Variants in DPYD observed in about 807,000 individuals in gnomAD.
The protein encoded by DPYD is dihydropyrimidine dehydrogenase [NADP(+)].
In DPYD, 109 loss-of-function variants were observed where a neutral mutation model predicts 116.2. The ratio of observed to expected loss-of-function variants is 0.94; its 90% CI spans 0.80 to 1.10. The LOEUF (loss-of-function observed/expected upper bound fraction) is 1.10. Ranked by LOEUF, DPYD falls within the 50% of genes least tolerant of loss-of-function variation. DPYD has a pLI of 0.00. For synonymous variants in DPYD, 440 were observed against 432.0 expected, an observed-to-expected ratio of 1.02 and a Z score of -0.23; for missense variants, 1,302 against 1,254.5, an observed-to-expected ratio of 1.04 and a Z score of -0.57.
At chr1:97,566,556 A>G (rs1033898910) in intron 11 of DPYD, among the ~76,000 whole-genome samples, 7 of 152,184 alleles carry the variant, frequency 4.6e-5, no homozygotes, top group Non-Finnish European at 8.8e-5. Flanking sequence ...TCAAAAAGGT[A>G]TCCTAATTAG....
chr1:97,475,926 T>C (rs1014174630), intron 13 of DPYD, among the ~76,000 whole-genome samples: 1 of 152,336 alleles, frequency 6.6e-6, no homozygotes. Context: ...TGGATACCTA[T>C]ACATTGTTGA....
At chr1:97,318,640 T>G (rs1668019652) in intron 16 of DPYD, among the ~76,000 whole-genome samples, 1 of 151,848 alleles carries the variant, frequency 6.6e-6, no homozygotes, top group Non-Finnish European at 1.5e-5. Flanking sequence ...TGAGACACTT[T>G]AACACCCCAC....
intron 16 of DPYD, among the ~76,000 whole-genome samples, chr1:97,335,648 C>T (rs1669250453): frequency 6.6e-6 from 1 of 152,180 alleles, no homozygotes; most frequent in Non-Finnish European, 1.5e-5. Flanking sequence ...ACAGCTCTCT[C>T]TAACTTAGTT....
intron 8 of DPYD, among the ~76,000 whole-genome samples, chr1:97,635,649 T>A (rs1382725057): frequency 6.6e-6 from 1 of 152,168 alleles, no homozygotes; most frequent in African/African-American, 2.4e-5. Context: ...TATTCAACTA[T>A]CCTCAGTGTC....
rs541136153 is a variant in DPYD at position 97,089,434 on chromosome 1, C to T, written c.2767-6964G>A. On this transcript the variant is annotated intron_variant, in intron 21 of 22. Transcript: ENST00000370192. The stretch of plus-strand genomic sequence containing the variant: ...AAACGAAACTGCCTCCTGTAGGAGG[C>T]ATTGTCTGGTTTCTTTTCTCTAGCA... Among the ~76,000 whole-genome samples, 10 of 152,266 alleles carry T rather than the reference C, an allele frequency of 6.6e-5. No homozygotes were observed. The South Asian group carries it at 1.9e-3, about 28-fold the overall frequency.
chr1:97,257,625 A>T, intron 18 of DPYD, among the ~76,000 whole-genome samples: 1 of 151,786 alleles, frequency 6.6e-6, no homozygotes, highest in East Asian at 1.9e-4. Context: ...TATTTTTTCA[A>T]TTTAAAAAAA....
chr1:97,801,999 A>G (rs1667870650), intron 3 of DPYD, among the ~76,000 whole-genome samples: 1 of 151,932 alleles, frequency 6.6e-6, no homozygotes, highest in Non-Finnish European at 1.5e-5. Flanking sequence ...ATAAGAAATT[A>G]AAATTAAAAT....
rs145132153 is a variant in DPYD at position 97,323,065 on chromosome 1, T to G, written c.2059-16768A>C. On this transcript the variant is annotated intron_variant, in intron 16 of 22. Transcript: ENST00000370192. ...CAATTCAATTTTTTTCAAAATTGAG[T>G]TGAACTTGGTTTTCCGATTCAATTT... The G allele has an allele frequency of 3.3e-5, 5 of 151,524 alleles. No individual in the cohort carries two copies. The East Asian group carries it at 7.8e-4, about 24-fold the overall frequency. 9.4% of individuals were successfully genotyped at this position (151,524 alleles called of 1,614,324 possible).
intron 8 of DPYD, among the ~76,000 whole-genome samples, chr1:97,658,910 C>T (rs900501662): frequency 6.6e-6 from 1 of 152,126 alleles, no homozygotes; most frequent in African/African-American, 2.4e-5. Flanking sequence ...GTTCACTGAA[C>T]ACCTGGCTCT....
chr1:97,660,857 C>A (rs1344284404), intron 8 of DPYD, among the ~76,000 whole-genome samples: 1 of 152,124 alleles, frequency 6.6e-6, no homozygotes, highest in Non-Finnish European at 1.5e-5. Context: ...CTTTTCTGGT[C>A]TCTTCCTGTT....
chr1:97,517,235 AG>A (rs1287944201), intron 12 of DPYD, among the ~76,000 whole-genome samples: 1 of 152,064 alleles, frequency 6.6e-6, no homozygotes, highest in Non-Finnish European at 1.5e-5. Flanking sequence ...CTGGGCTTCA[AG>A]GCACATTTCT....
In DPYD at chr1:97,164,363, G is replaced by A. The variant is rs1244574547; in HGVS notation, c.2622+28706C>T. Among the ~76,000 whole-genome samples, 8 of 152,050 alleles carry A rather than the reference G, an allele frequency of 5.3e-5. No individual in the cohort carries two copies. The South Asian group carries it at 1.5e-3, about 28-fold the overall frequency. ...CTGACAGCATTCCCCTTGAAAACCAGCACAAGTCAAGGATGCCCCCTCTCA... is the reference window on the plus strand; with the variant it reads ...CTGACAGCATTCCCCTTGAAAACCAACACAAGTCAAGGATGCCCCCTCTCA... On this transcript the variant is annotated intron_variant, in intron 20 of 22. Coordinates refer to ENST00000370192, the MANE Select transcript of DPYD (RefSeq NM_000110.4).
intron 19 of DPYD, among the ~76,000 whole-genome samples, chr1:97,227,264 T>C (rs766926234): frequency 1.4e-5 from 2 of 139,370 alleles, no homozygotes; most frequent in Non-Finnish European, 3.0e-5. Flanking sequence ...GAGGTGGAGA[T>C]TGCAGTGAGC....
At chr1:97,548,155 T>G (rs1651042293) in intron 12 of DPYD, among the ~76,000 whole-genome samples, 1 of 152,174 alleles carries the variant, frequency 6.6e-6, no homozygotes. Flanking sequence ...TAAAAAGGCA[T>G]AGTGTGAGCA....
intron 1 of DPYD, among the ~76,000 whole-genome samples, chr1:97,887,469 T>TAAAAAAAAAAAAAAAAAA (rs57316508): frequency 1.1e-3 from 52 of 47,140 alleles, no homozygotes; most frequent in East Asian, 2.9e-3. Flanking sequence ...GACTCTGCAT[T>TAAAAAAAAAAAAAAAAAA]AAAAAAAAAA....
intron 16 of DPYD, among the ~76,000 whole-genome samples, chr1:97,348,806 C>A (rs552107637): frequency 6.6e-6 from 1 of 151,894 alleles, no homozygotes; most frequent in South Asian, 2.1e-4. Flanking sequence ...ATGCAGTTGG[C>A]GGACAGAAGG....
intron 13 of DPYD, among the ~76,000 whole-genome samples, chr1:97,497,027 T>A (rs757604659): frequency 2.0e-5 from 3 of 151,926 alleles, no homozygotes; most frequent in African/African-American, 7.2e-5. Flanking sequence ...TGAAAGCTCT[T>A]AGACTCAAGC....
At chr1:97,736,554 AT>A (rs1280296534) in intron 4 of DPYD, among the ~76,000 whole-genome samples, 1 of 152,124 alleles carries the variant, frequency 6.6e-6, no homozygotes, top group African/African-American at 2.4e-5. Flanking sequence ...CTCTCATCAA[AT>A]TTTAAAAGAG....
intron 18 of DPYD, among the ~76,000 whole-genome samples, chr1:97,297,537 G>C (rs562277599): frequency 2.6e-5 from 4 of 152,270 alleles, no homozygotes; most frequent in African/African-American, 9.6e-5. Context: ...AGTGCATAGT[G>C]TAACAGTGCT....
Sources: allele counts gnomAD v4.1 joint callset (sites outside exome capture counted in the v4.1 genomes callset), GRCh38; gene constraint gnomAD v4.1.1; transcripts MANE v1.5; gene names NCBI Gene and HGNC (gene_info 2026-07-23, HGNC 2026-07-21).